Variants in RAPGEF6 observed in about 807,000 individuals in gnomAD.
RAPGEF6 encodes Rap guanine nucleotide exchange factor 6.
A neutral mutation model predicts 171.4 loss-of-function variants in RAPGEF6; 56 were observed. The ratio of observed to expected loss-of-function variants is 0.33; its 90% CI spans 0.26 to 0.41. The LOEUF (loss-of-function observed/expected upper bound fraction) is 0.41, where lower values mean the gene tolerates loss of function less well. RAPGEF6 is among the 10% of genes least tolerant of loss of function. The probability of loss-of-function intolerance (pLI) is 1.00; values close to 1 mark genes in which losing one functional copy is unlikely to be tolerated. For missense variants in RAPGEF6, 1,674 were observed against 1,921.4 expected (o/e 0.87, Z 2.41); for synonymous variants, 692 against 650.1 (o/e 1.06, Z -0.98).
intron 1 of RAPGEF6, among the ~76,000 whole-genome samples, chr5:131,611,251 G>A (rs757939686): frequency 6.6e-6 from 1 of 152,174 alleles, no homozygotes; most frequent in African/African-American, 2.4e-5. Context: ...GTCTAATATT[G>A]TTGTGACAAC....
intron 12 of RAPGEF6, among the ~76,000 whole-genome samples, chr5:131,498,203 A>C (rs1756758857): frequency 6.6e-6 from 1 of 152,224 alleles, no homozygotes; most frequent in African/African-American, 2.4e-5. Context: ...TGTTTCCTGA[A>C]CCTATAGCTA....
intron 16 of RAPGEF6, among the ~76,000 whole-genome samples, chr5:131,473,082 C>A (rs899437604): frequency 1.3e-5 from 2 of 152,206 alleles, no homozygotes; most frequent in Non-Finnish European, 1.5e-5. Flanking sequence ...GACACTAATA[C>A]ATGTATCCAA....
At chr5:131,561,126 A>T (rs1164927973) in intron 5 of RAPGEF6, among the ~76,000 whole-genome samples, 2 of 152,162 alleles carry the variant, frequency 1.3e-5, no homozygotes, top group Admixed American at 6.5e-5. Flanking sequence ...TAAAAAAAAA[A>T]ATTCTAAAGT....
intron 17 of RAPGEF6, 200 bp from the exon 18 acceptor site, chr5:131,464,481 A>C (rs1754186528): frequency 1.9e-6 from 1 of 512,902 alleles, no homozygotes; most frequent in Admixed American, 3.5e-5. Context: ...TTGATAGAAA[A>C]ACCCAAAAAC....
chr5:131,504,574 C>A, intron 11 of RAPGEF6, 52 bp downstream of exon 11: 1 of 1,492,170 alleles, frequency 6.7e-7, no homozygotes, highest in Non-Finnish European at 9.0e-7. Flanking sequence ...AAGATGAAAG[C>A]TTTGATGATA....
At chr5:131,615,305 T>C (rs1016324523) in intron 1 of RAPGEF6, among the ~76,000 whole-genome samples, 3 of 152,210 alleles carry the variant, frequency 2.0e-5, no homozygotes, top group Non-Finnish European at 2.9e-5. Flanking sequence ...TAATTCTTTT[T>C]CATATGATGT....
chr5:131,442,339 G>T lies in RAPGEF6; in HGVS notation c.3610+10C>A. On this transcript the variant is annotated intron_variant, in intron 23 of 27. Coordinates refer to ENST00000509018, the MANE Select transcript of RAPGEF6 (RefSeq NM_016340.6). ...GGTAAACGGATGTAATATTAATGGT[G>T]AATACTCACTCAGTGCAGGGTCTTT... 2 of 1,602,774 alleles carry T rather than the reference G, an allele frequency of 1.2e-6. No homozygotes were observed. The highest frequency in any genetic ancestry group is 2.2e-5 in the East Asian group (1 of 44,742).
intron 4 of RAPGEF6, among the ~76,000 whole-genome samples, chr5:131,582,511 T>A (rs2149993356): frequency 6.6e-6 from 1 of 152,044 alleles, no homozygotes; most frequent in South Asian, 2.1e-4. Context: ...AAAAAAAAAT[T>A]AAGAAAATTA....
At chr5:131,623,382 C>T (rs1172282870) in intron 1 of RAPGEF6, among the ~76,000 whole-genome samples, 1 of 151,874 alleles carries the variant, frequency 6.6e-6, no homozygotes, top group Non-Finnish European at 1.5e-5. Flanking sequence ...TGCCATTTTG[C>T]CAAACTTCAT....
chr5:131,469,735 T>TA (rs2149844363), intron 17 of RAPGEF6: 9 of 1,262,180 alleles, frequency 7.1e-6, no homozygotes, highest in Non-Finnish European at 2.1e-6. Context: ...ATTGGACTTT[T>TA]AAAAAATAAC....
intron 16 of RAPGEF6, among the ~76,000 whole-genome samples, chr5:131,476,169 T>C (rs1038980371): frequency 2.0e-5 from 3 of 152,242 alleles, no homozygotes; most frequent in Non-Finnish European, 2.9e-5. Flanking sequence ...CCAATCCTTG[T>C]AGTTGGACAT....
intron 4 of RAPGEF6, among the ~76,000 whole-genome samples, chr5:131,580,055 G>A (rs1161978285): frequency 2.0e-5 from 3 of 152,250 alleles, no homozygotes; most frequent in Non-Finnish European, 4.4e-5. Context: ...GCCCTTGGGT[G>A]GTCGATGGGA....
intron 21 of RAPGEF6, among the ~76,000 whole-genome samples, chr5:131,448,553 A>C (rs1391467067): frequency 2.0e-5 from 3 of 152,214 alleles, no homozygotes; most frequent in Non-Finnish European, 4.4e-5. Flanking sequence ...TTAGGAGCAA[A>C]TTTTAACACA....
chr5:131,515,492 T>C (rs1031518190), intron 7 of RAPGEF6, among the ~76,000 whole-genome samples: 5 of 152,166 alleles, frequency 3.3e-5, no homozygotes, highest in Admixed American at 6.5e-5. Flanking sequence ...ATTTCTAGAG[T>C]ACTTCCTAAA....
chr5:131,536,904 C>T (rs541082985), intron 6 of RAPGEF6, among the ~76,000 whole-genome samples: 2 of 152,196 alleles, frequency 1.3e-5, no homozygotes, highest in East Asian at 3.9e-4. Context: ...TCTGTGAATT[C>T]CTGGGTTCCT....
chr5:131,633,901 T>A (rs566966757), intron 1 of RAPGEF6, among the ~76,000 whole-genome samples: 27 of 152,298 alleles, frequency 1.8e-4, no homozygotes, highest in African/African-American at 6.3e-4. Context: ...CAAACACTCA[T>A]CGAATTATAA....
At position 131,583,418 on chromosome 5, in the gene RAPGEF6, G is replaced by A. The variant is rs1157925564; in HGVS notation, c.281+8965C>T. 2.6e-5 allele frequency among the ~76,000 whole-genome samples: 4 copies of A among 152,220 alleles called. No individual in the cohort carries two copies. The East Asian group carries it at 5.8e-4, about 22-fold the overall frequency. ...TAAGGCCATGCAAGGCAAGGATTAA[G>A]TCACACCTGCAGACCAACAATGTCA... is the stretch of plus-strand genomic sequence containing the variant. On this transcript the variant is annotated intron_variant, in intron 4 of 27. Coordinates refer to ENST00000509018, the MANE Select transcript of RAPGEF6 (RefSeq NM_016340.6).
Position 131,529,901 on chromosome 5 carries a change from CT to C in RAPGEF6, c.496-8381del, listed in dbSNP as rs1162181624. Among the ~76,000 whole-genome samples, 347 of 119,806 alleles carry C rather than the reference CT, an allele frequency of 2.9e-3. 1 individual carries two copies. The highest frequency in any genetic ancestry group is 6.5e-3 in the African/African-American group (196 of 30,360). 78.6% of individuals were successfully genotyped at this position (119,806 alleles called of 152,430 possible). A position where few individuals can be genotyped will look rare whatever the true frequency, so the allele number is the denominator to read the frequency against. On this transcript the variant is annotated intron_variant, in intron 6 of 27. Transcript: ENST00000509018. ...CAACAGAGCAGGGCCTTGTCTCCCT[CT>C]TTTTTTTTTTTTTTTTTTTTTTGAG...
At chr5:131,440,518 AC>A (rs1752311889) in intron 23 of RAPGEF6, among the ~76,000 whole-genome samples, 1 of 151,942 alleles carries the variant, frequency 6.6e-6, no homozygotes, top group Non-Finnish European at 1.5e-5. Flanking sequence ...TGGGTGGATC[AC>A]CTGAAGTCAG....
Sources: allele counts gnomAD v4.1 joint callset (sites outside exome capture counted in the v4.1 genomes callset), GRCh38; gene constraint gnomAD v4.1.1; transcripts MANE v1.5; gene names NCBI Gene and HGNC (gene_info 2026-07-23, HGNC 2026-07-21).